The following NBEA variants were observed in gnomAD, a reference collection of about 807,000 sequenced individuals.
The protein encoded by NBEA is lysosomal-trafficking regulator 2.
Under a neutral mutation model 343.4 loss-of-function variants are expected in NBEA, and 44 were observed. The ratio of observed to expected loss-of-function variants is 0.13; its 90% CI spans 0.10 to 0.16. The LOEUF (loss-of-function observed/expected upper bound fraction) is 0.16. Ranked by LOEUF, NBEA falls within the 10% of genes least tolerant of loss-of-function variation. The pLI, the probability that NBEA is intolerant of heterozygous loss-of-function variation, is 1.00. For synonymous variants in NBEA, 1,175 were observed against 1,238.7 expected (o/e 0.95, Z 1.08); for missense variants, 2,555 against 3,631.3 (o/e 0.70, Z 7.62).
At chr13:35,354,601 C>T (rs1258937897) in intron 38 of NBEA, among the ~76,000 whole-genome samples, 1 of 150,764 alleles carries the variant, frequency 6.6e-6, no homozygotes, top group African/African-American at 2.5e-5. Flanking sequence ...TGCCAACTAT[C>T]TGAAAAAAAA....
chr13:35,072,586 G>A (rs544302876), intron 10 of NBEA, among the ~76,000 whole-genome samples: 5 of 152,056 alleles, frequency 3.3e-5, no homozygotes, highest in Admixed American at 2.0e-4. Flanking sequence ...TTGAGATGGA[G>A]TCTTACTCTG....
intron 30 of NBEA, among the ~76,000 whole-genome samples, chr13:35,194,958 C>A (rs905421715): frequency 3.9e-5 from 6 of 151,900 alleles, no homozygotes; most frequent in Non-Finnish European, 8.8e-5. Context: ...AAAATATAGG[C>A]CTTGTCCTTG....
chr13:35,252,956 C>G (rs1423562954), intron 34 of NBEA, among the ~76,000 whole-genome samples: 1 of 152,158 alleles, frequency 6.6e-6, no homozygotes, highest in Non-Finnish European at 1.5e-5. Context: ...CTTGGTCTCT[C>G]TCAAATACCC....
chr13:35,109,591 C>G, intron 12 of NBEA, 149 bp downstream of exon 12: 1 of 604,960 alleles, frequency 1.7e-6, no homozygotes, highest in East Asian at 3.5e-5. Context: ...ATCAGGAGAT[C>G]AAAATATTTA....
chr13:35,086,559 T>C (rs2064774892), intron 10 of NBEA, among the ~76,000 whole-genome samples: 2 of 152,002 alleles, frequency 1.3e-5, no homozygotes. Context: ...CATTTGCCTG[T>C]TGATGGAAAC....
At chr13:35,286,942 G>A (rs2035464381) in intron 34 of NBEA, among the ~76,000 whole-genome samples, 1 of 151,940 alleles carries the variant, frequency 6.6e-6, no homozygotes, top group South Asian at 2.1e-4. Flanking sequence ...GCCTGGATCT[G>A]GACCACCTCA....
At chr13:35,072,755 G>T (rs1439789407) in intron 10 of NBEA, among the ~76,000 whole-genome samples, 1 of 151,872 alleles carries the variant, frequency 6.6e-6, no homozygotes. Context: ...TAGACACAGG[G>T]TTCCACCATG....
At position 35,523,551 on chromosome 13, in the gene NBEA, A is replaced by G. The variant is rs151276224; in HGVS notation, c.6586-26926A>G. ...GAGACAGCAGCTTAAAGTGGGAATT[A>G]TGAGAGTGGCAGAAATCACTCAGGA... On this transcript the variant is annotated intron_variant, in intron 41 of 58. Transcript: ENST00000379939. Among the ~76,000 whole-genome samples, 416 of 152,300 alleles carry G rather than the reference A, an allele frequency of 2.7e-3. 2 individuals are homozygous for G. Among genetic ancestry groups the G allele is most frequent in the East Asian group, 0.011 (59 of 5,178 alleles).
At chr13:35,086,350 C>T (rs1342529485) in intron 10 of NBEA, among the ~76,000 whole-genome samples, 1 of 151,960 alleles carries the variant, frequency 6.6e-6, no homozygotes, top group African/African-American at 2.4e-5. Context: ...TTGTTGCAAA[C>T]TATAGTCACT....
At chr13:35,666,473 T>C (rs1458176335) in intron 56 of NBEA, among the ~76,000 whole-genome samples, 1 of 151,878 alleles carries the variant, frequency 6.6e-6, no homozygotes, top group African/African-American at 2.4e-5. Flanking sequence ...AGACATTTCC[T>C]GCAGGGGCTG....
intron 12 of NBEA, among the ~76,000 whole-genome samples, chr13:35,110,035 T>C (rs1460432151): frequency 8.9e-6 from 1 of 112,206 alleles, no homozygotes; most frequent in Non-Finnish European, 1.9e-5. Flanking sequence ...TGACAACTCT[T>C]TTTTTTTTTT....
intron 8 of NBEA, among the ~76,000 whole-genome samples, chr13:35,067,433 AAC>A (rs1333029159): frequency 6.6e-6 from 1 of 152,136 alleles, no homozygotes; most frequent in Non-Finnish European, 1.5e-5. Flanking sequence ...AAATAATTAT[AAC>A]AGTTTTATTG....
chr13:35,327,124 C>A (rs2038616456), intron 36 of NBEA, among the ~76,000 whole-genome samples: 1 of 151,752 alleles, frequency 6.6e-6, no homozygotes, highest in African/African-American at 2.4e-5. Flanking sequence ...AATAAAAAAG[C>A]AGCAGGTGCT....
At chr13:35,131,817 TCAAA>T (rs1465825654) in intron 17 of NBEA, among the ~76,000 whole-genome samples, 1 of 152,032 alleles carries the variant, frequency 6.6e-6, no homozygotes, top group Non-Finnish European at 1.5e-5. Context: ...AACTAATAAA[TCAAA>T]CAGAGTGTAT....
intron 11 of NBEA, among the ~76,000 whole-genome samples, chr13:35,103,108 T>C (rs2786225): frequency 0.96 from 146,143 of 151,798 alleles, 70,605 homozygotes; most frequent in East Asian, 1. Flanking sequence ...ATCTTTTCTG[T>C]AGTACTTGAG....
At chr13:35,406,230 T>C (rs1219347858) in intron 38 of NBEA, among the ~76,000 whole-genome samples, 1 of 152,060 alleles carries the variant, frequency 6.6e-6, no homozygotes, top group African/African-American at 2.4e-5. Context: ...TGAAAAAATA[T>C]ACTCATTATA....
intron 1 of NBEA, among the ~76,000 whole-genome samples, chr13:34,967,003 A>G (rs1400175076): frequency 6.6e-6 from 1 of 151,158 alleles, no homozygotes; most frequent in African/African-American, 2.4e-5. Context: ...TGATGAAGGA[A>G]GCAGAATGTC....
rs550050373 is a variant in NBEA at position 35,179,555 on chromosome 13, TA to T, written c.4662+2462del. Among the ~76,000 whole-genome samples, 1,264 of 146,862 alleles carry T rather than the reference TA, an allele frequency of 8.6e-3. 8 individuals carry two copies. The highest frequency in any genetic ancestry group is 0.013 in the Non-Finnish European group (842 of 65,882). Reference sequence around the variant, plus strand: ...TTAAAAAAAAATAAAAAATAAAAAATAAAAAAAAAAGCTAACTCTTTTCATG... The same window carrying T: ...TTAAAAAAAAATAAAAAATAAAAAATAAAAAAAAAGCTAACTCTTTTCATG... On this transcript the variant is annotated intron_variant, in intron 28 of 58. Transcript: ENST00000379939.
At position 35,133,989 on chromosome 13, in the gene NBEA, A is replaced by C. The variant is rs550948065; in HGVS notation, c.2337-8280A>C. ...AAAAGTAAAGCAGAAATTTATTATC[A>C]CTGTAAAAATCAGATGGGATTTGAA... is the stretch of plus-strand genomic sequence containing the variant. On this transcript the variant is annotated intron_variant, in intron 17 of 58. Transcript: ENST00000379939. Among the ~76,000 whole-genome samples, 8 of 152,076 alleles carry C rather than the reference A, an allele frequency of 5.3e-5. No individual in the cohort carries two copies. In the East Asian group the frequency reaches 1.5e-3, roughly 29 times the overall value.
Sources: gnomAD v4.1 joint callset for allele counts (sites outside exome capture counted in the v4.1 genomes callset) on GRCh38, gnomAD v4.1.1 for gene constraint, MANE v1.5 for transcripts, NCBI Gene and HGNC (gene_info 2026-07-23, HGNC 2026-07-21) for gene names.